The following ARHGEF3 variants were observed in gnomAD, a reference collection of about 807,000 sequenced individuals.
ARHGEF3 encodes 59.8 kDA protein.
A neutral mutation model predicts 63.2 loss-of-function variants in ARHGEF3; 28 were observed. That is an observed-to-expected ratio of 0.44 (90% CI 0.33 to 0.61). ARHGEF3 has a LOEUF of 0.61. ARHGEF3 is among the 20% of genes least tolerant of loss of function. ARHGEF3 has a pLI of 0.03. For missense variants in ARHGEF3, 533 were observed against 659.3 expected, an observed-to-expected ratio of 0.81 and a Z score of 2.10; for synonymous variants, 266 against 254.2, an observed-to-expected ratio of 1.05 and a Z score of -0.44.
intron 1 of ARHGEF3, among the ~76,000 whole-genome samples, chr3:56,777,986 C>T (rs779466239): frequency 1.3e-5 from 2 of 152,162 alleles, no homozygotes; most frequent in African/African-American, 4.8e-5. Context: ...CCAGGAAAGC[C>T]TTTTCAGGGT....
intron 4 of ARHGEF3, among the ~76,000 whole-genome samples, chr3:56,815,121 G>C (rs774427796): frequency 2.1e-4 from 32 of 151,154 alleles, no homozygotes; most frequent in Non-Finnish European, 4.3e-4. Context: ...TCCAGCTTGG[G>C]CAACAGAGCG....
chr3:56,732,461 T>C (rs376535322), intron 8 of ARHGEF3, 37 bp from the exon 9 acceptor site: 10 of 1,608,460 alleles, frequency 6.2e-6, no homozygotes, highest in Non-Finnish European at 7.7e-6. Context: ...CATTAAGCAA[T>C]AATGTAATGA....
In ARHGEF3 at chr3:56,848,595, G is replaced by A. The variant is rs147605209; in HGVS notation, c.192+33697C>T. Among the ~76,000 whole-genome samples the A allele has an allele frequency of 3.4e-3, 513 of 152,256 alleles. 4 individuals are homozygous for A. The highest frequency in any genetic ancestry group is 0.012 in the African/African-American group (479 of 41,552). On this transcript the variant is annotated intron_variant, in intron 4 of 12. Coordinates refer to the ARHGEF3 transcript ENST00000338458. ...ATAAAAGTCATTTGGTAGGGGGTAG[G>A]GCTGCAGAGAACACAGTCTTACATA...
intron 2 of ARHGEF3, among the ~76,000 whole-genome samples, chr3:56,995,708 T>A (rs575324479): frequency 2.1e-5 from 3 of 145,682 alleles, no homozygotes; most frequent in African/African-American, 7.7e-5. Context: ...GAGACCCCAG[T>A]AGAGAGAAAC....
intron 1 of ARHGEF3, among the ~76,000 whole-genome samples, chr3:56,779,524 G>A (rs2036461432): frequency 6.6e-6 from 1 of 151,386 alleles, no homozygotes; most frequent in African/African-American, 2.4e-5. Flanking sequence ...ACGGAGTCTC[G>A]CTCTGTCGCG....
intron 1 of ARHGEF3, chr3:57,074,308 T>C (rs773086530): frequency 4.1e-5 from 65 of 1,567,322 alleles, no homozygotes; most frequent in Non-Finnish European, 5.1e-5. Context: ...TGGCAGCTGT[T>C]TGTCTGGGCC....
chr3:56,976,967 G>A lies in ARHGEF3; in HGVS notation c.63-18078C>T, dbSNP rs181361690. ...TATGAGGTAATTCTGAGTAAAAGAG[G>A]GTAATATTAGTACTATTTTCATACT... On this transcript the variant is annotated intron_variant, in intron 2 of 12. Transcript: ENST00000338458. Among the ~76,000 whole-genome samples, 122 of 152,108 alleles carry A rather than the reference G, an allele frequency of 8.0e-4. 2 individuals are homozygous for A. Among genetic ancestry groups the A allele is most frequent in the African/African-American group, 2.8e-3 (115 of 41,482 alleles).
chr3:56,733,074 G>C (rs1022872719), intron 8 of ARHGEF3, among the ~76,000 whole-genome samples: 3 of 150,440 alleles, frequency 2.0e-5, no homozygotes, highest in African/African-American at 7.3e-5. Flanking sequence ...ACCAGGTCAG[G>C]AGATACAGAC....
chr3:56,730,495 A>G (rs1237119076), intron 9 of ARHGEF3, among the ~76,000 whole-genome samples: 1 of 149,870 alleles, frequency 6.7e-6, no homozygotes, highest in Admixed American at 6.8e-5. Flanking sequence ...CTCCTGTCTC[A>G]GCCTCCTGAG....
At chr3:56,968,308 AT>A (rs1397661080) in intron 2 of ARHGEF3, among the ~76,000 whole-genome samples, 2 of 58,992 alleles carry the variant, frequency 3.4e-5, no homozygotes, top group East Asian at 5.5e-4. Flanking sequence ...TATATAATAT[AT>A]ATAAAATATA....
chr3:56,873,849 A>T (rs2040507322), intron 4 of ARHGEF3, among the ~76,000 whole-genome samples: 1 of 152,218 alleles, frequency 6.6e-6, no homozygotes, highest in Admixed American at 6.5e-5. Context: ...ATAAATCCCA[A>T]CAAACAGGTG....
rs568137173 is a variant in ARHGEF3, at chr3:57,046,526, C to T, written c.-27-11350G>A. On this transcript the variant is annotated intron_variant, in intron 1 of 12. Coordinates refer to the ARHGEF3 transcript ENST00000338458. ...AGCTCAGCCTTCTGACACTGGAGGGCGAATTCTAAAGTTAGTGGGAAAATC... is the reference window on the plus strand; with the variant it reads ...AGCTCAGCCTTCTGACACTGGAGGGTGAATTCTAAAGTTAGTGGGAAAATC... Among the ~76,000 whole-genome samples, 21 of 152,292 alleles carry T rather than the reference C, an allele frequency of 1.4e-4. No individual in the cohort carries two copies. In the South Asian group the frequency reaches 1.5e-3, roughly 11 times the overall value.
intron 2 of ARHGEF3, among the ~76,000 whole-genome samples, chr3:56,975,548 A>G (rs1426987481): frequency 1.3e-5 from 2 of 152,262 alleles, no homozygotes; most frequent in Non-Finnish European, 2.9e-5. Context: ...AACTTTTATG[A>G]GTAGATATAT....
At chr3:56,971,339 C>A (rs1324313158) in intron 2 of ARHGEF3, among the ~76,000 whole-genome samples, 1 of 152,116 alleles carries the variant, frequency 6.6e-6, no homozygotes, top group Non-Finnish European at 1.5e-5. Context: ...TGTATTCACC[C>A]CAGTCATCTC....
chr3:56,992,442 A>G (rs116167198), intron 2 of ARHGEF3, among the ~76,000 whole-genome samples: 5,486 of 144,712 alleles, frequency 0.038, 356 homozygotes, highest in African/African-American at 0.13. Flanking sequence ...GGCCTCCAGC[A>G]TCTGTCTCAA....
intron 4 of ARHGEF3, among the ~76,000 whole-genome samples, chr3:56,832,795 G>A (rs553003118): frequency 1.3e-5 from 2 of 152,154 alleles, no homozygotes; most frequent in East Asian, 1.9e-4. Flanking sequence ...TGACAACCAC[G>A]AATCTACTTT....
chr3:56,871,235 TG>T (rs1377545933), intron 4 of ARHGEF3, among the ~76,000 whole-genome samples: 1 of 152,176 alleles, frequency 6.6e-6, no homozygotes, highest in Non-Finnish European at 1.5e-5. Context: ...TTATATTTTA[TG>T]CTAAAGAATT....
chr3:56,818,986 C>T (rs1426745749), intron 4 of ARHGEF3, among the ~76,000 whole-genome samples: 2 of 152,296 alleles, frequency 1.3e-5, no homozygotes, highest in East Asian at 1.9e-4. Flanking sequence ...TATGCTACAT[C>T]CTCTGTCTGA....
intron 3 of ARHGEF3, among the ~76,000 whole-genome samples, chr3:56,885,482 C>A (rs55949100): frequency 0.18 from 27,395 of 152,012 alleles, 2,717 homozygotes; most frequent in Non-Finnish European, 0.23. Flanking sequence ...TGCTACAGTT[C>A]CATTCCTTGA....
Sources: allele counts gnomAD v4.1 joint callset (sites outside exome capture counted in the v4.1 genomes callset), GRCh38; gene constraint gnomAD v4.1.1; transcripts MANE v1.5; gene names NCBI Gene and HGNC (gene_info 2026-07-23, HGNC 2026-07-21).